Variants in NCAM2 observed in about 807,000 individuals in gnomAD.
The protein encoded by NCAM2 is N-CAM-2.
In NCAM2, 30 loss-of-function variants were observed where a neutral mutation model predicts 98.1. That is an observed-to-expected ratio of 0.31 (90% confidence interval 0.23 to 0.41). The LOEUF is 0.41. Ranked by LOEUF, NCAM2 falls within the 10% of genes least tolerant of loss-of-function variation. The pLI is 1.00. For missense variants in NCAM2, 867 were observed against 1,005.8 expected (o/e 0.86, Z 1.87); for synonymous variants, 368 against 342.4 (o/e 1.07, Z -0.83).
intron 15 of NCAM2, among the ~76,000 whole-genome samples, chr21:21,486,457 A>G (rs1028681428): frequency 1.3e-5 from 2 of 152,184 alleles, no homozygotes; most frequent in Non-Finnish European, 2.9e-5. Flanking sequence ...CGTTTATTAA[A>G]TAACTATCAT....
In NCAM2 at chr21:21,034,053, G is replaced by GC. The variant is rs151010734; in HGVS notation, c.55+35435_55+35436insC. On this transcript the variant is annotated intron_variant, in intron 1 of 17. Transcript: ENST00000400546. ...GGTTGTGAGATAAGAGATAGGCAAA[G>GC]GGGGGGGGGAAACAAAGATTGAGAT... Among the ~76,000 whole-genome samples the GC allele has an allele frequency of 4.4e-3, 542 of 124,170 alleles. 11 individuals carry two copies. The East Asian group carries it at 0.1, about 23-fold the overall frequency. 81.5% of individuals were successfully genotyped at this position (124,170 alleles called of 152,430 possible).
intron 9 of NCAM2, among the ~76,000 whole-genome samples, chr21:21,381,119 GT>G: frequency 6.6e-6 from 1 of 152,172 alleles, no homozygotes; most frequent in Non-Finnish European, 1.5e-5. Context: ...TAATTGGAGT[GT>G]TTAACAAGCA....
At chr21:21,180,194 A>T (rs1351523443) in intron 1 of NCAM2, among the ~76,000 whole-genome samples, 1 of 152,186 alleles carries the variant, frequency 6.6e-6, no homozygotes. Context: ...TAAGACCCAG[A>T]CCTCAAAGTT....
intron 17 of NCAM2, 56 bp from the exon 18 acceptor site, chr21:21,537,790 A>G: frequency 2.4e-6 from 2 of 841,910 alleles, no homozygotes; most frequent in Non-Finnish European, 3.8e-6. Context: ...TTAAAGGTTA[A>G]GGTACGTCTC....
At chr21:21,030,134 T>A (rs1238899491) in intron 1 of NCAM2, among the ~76,000 whole-genome samples, 1 of 152,186 alleles carries the variant, frequency 6.6e-6, no homozygotes, top group East Asian at 1.9e-4. Context: ...TCTTTCCTAT[T>A]TCTTGAACAT....
chr21:21,096,015 A>G (rs1204255615), intron 1 of NCAM2, among the ~76,000 whole-genome samples: 1 of 151,654 alleles, frequency 6.6e-6, no homozygotes, highest in African/African-American at 2.4e-5. Context: ...ACATCTGTTT[A>G]TGAGAAACAG....
At chr21:21,157,725 C>T (rs2067658844) in intron 1 of NCAM2, among the ~76,000 whole-genome samples, 2 of 152,074 alleles carry the variant, frequency 1.3e-5, no homozygotes, top group Non-Finnish European at 2.9e-5. Context: ...GCAAGACAGA[C>T]ATTTTTACTA....
chr21:21,099,197 A>G (rs150247847), intron 1 of NCAM2, among the ~76,000 whole-genome samples: 1 of 152,060 alleles, frequency 6.6e-6, no homozygotes, highest in East Asian at 1.9e-4. Context: ...TTTAGAACAT[A>G]GAAAAGTAGA....
intron 1 of NCAM2, among the ~76,000 whole-genome samples, chr21:21,123,820 A>G (rs2066726681): frequency 6.9e-6 from 1 of 145,956 alleles, no homozygotes; most frequent in Non-Finnish European, 1.5e-5. Context: ...ACAGAAAAAT[A>G]GTGCACATTT....
chr21:21,351,126 A>G (rs2075326831), intron 8 of NCAM2, among the ~76,000 whole-genome samples: 1 of 148,008 alleles, frequency 6.8e-6, no homozygotes, highest in Non-Finnish European at 1.5e-5. Context: ...TCAAAAAAAA[A>G]AAAAAAAAAA....
At chr21:21,318,312 T>G (rs2074278215) in intron 5 of NCAM2, among the ~76,000 whole-genome samples, 1 of 152,198 alleles carries the variant, frequency 6.6e-6, no homozygotes, top group African/African-American at 2.4e-5. Context: ...TTGAGAGATC[T>G]TCCATATTAA....
At chr21:21,355,845 G>A (rs1035631144) in intron 8 of NCAM2, among the ~76,000 whole-genome samples, 5 of 151,962 alleles carry the variant, frequency 3.3e-5, no homozygotes, top group Admixed American at 2.0e-4. Flanking sequence ...CTGACCTCAG[G>A]TGATCCACCC....
chr21:21,192,518 T>A (rs2068857835), intron 1 of NCAM2, among the ~76,000 whole-genome samples: 1 of 151,982 alleles, frequency 6.6e-6, no homozygotes, highest in African/African-American at 2.4e-5. Context: ...CTGAAGAGGA[T>A]TTAGAAGTGA....
chr21:21,527,517 G>A (rs968359663), intron 16 of NCAM2, among the ~76,000 whole-genome samples: 1 of 152,058 alleles, frequency 6.6e-6, no homozygotes, highest in African/African-American at 2.4e-5. Context: ...ATAATAAAAA[G>A]AAGAGCCCAA....
At chr21:21,140,745 T>G (rs1276844401) in intron 1 of NCAM2, among the ~76,000 whole-genome samples, 1 of 123,686 alleles carries the variant, frequency 8.1e-6, no homozygotes, top group Non-Finnish European at 1.7e-5. Context: ...AAAATCACTT[T>G]ATTTTTCAAC....
intron 12 of NCAM2, among the ~76,000 whole-genome samples, chr21:21,454,404 T>C (rs1981810301): frequency 6.6e-6 from 1 of 152,068 alleles, no homozygotes; most frequent in Non-Finnish European, 1.5e-5. Context: ...TCCATTTGCT[T>C]TTATTGCTGT....
chr21:21,476,687 G>A (rs1244561163), intron 14 of NCAM2, among the ~76,000 whole-genome samples: 1 of 151,972 alleles, frequency 6.6e-6, no homozygotes, highest in African/African-American at 2.4e-5. Flanking sequence ...AGTGTAGAAT[G>A]TTTGAGAATA....
intron 1 of NCAM2, among the ~76,000 whole-genome samples, chr21:21,207,385 T>G (rs1390939536): frequency 6.6e-6 from 1 of 152,130 alleles, no homozygotes; most frequent in African/African-American, 2.4e-5. Context: ...GATCTACCAC[T>G]AGGGCAGGTG....
At chr21:21,184,317 A>G (rs1054447128) in intron 1 of NCAM2, among the ~76,000 whole-genome samples, 3 of 152,054 alleles carry the variant, frequency 2.0e-5, no homozygotes, top group Non-Finnish European at 4.4e-5. Flanking sequence ...ATAAAATAAA[A>G]AAAAAAAGAA....
Sources: allele counts gnomAD v4.1 joint callset (sites outside exome capture counted in the v4.1 genomes callset), GRCh38; gene constraint gnomAD v4.1.1; transcripts MANE v1.5; gene names NCBI Gene and HGNC (gene_info 2026-07-23, HGNC 2026-07-21).